Variants in PDE8A observed in about 807,000 individuals in gnomAD.
PDE8A encodes the protein phosphodiesterase 8A.
A neutral mutation model predicts 105.0 loss-of-function variants in PDE8A; 59 were observed. The observed-to-expected ratio is 0.56, with a 90% CI of 0.46 to 0.70. The LOEUF (loss-of-function observed/expected upper bound fraction) is 0.70. PDE8A is among the 30% of genes least tolerant of loss of function. PDE8A has a pLI of 0.00. For synonymous variants in PDE8A, 355 were observed against 371.9 expected, an observed-to-expected ratio of 0.95 and a Z score of 0.52; for missense variants, 1,014 against 1,045.9, an observed-to-expected ratio of 0.97 and a Z score of 0.42.
chr15:85,064,901 G>A (rs4980356), intron 2 of PDE8A, among the ~76,000 whole-genome samples: 31,366 of 151,964 alleles, frequency 0.21, 4,252 homozygotes, highest in Middle Eastern at 0.33. Flanking sequence ...GAGCCCGGGA[G>A]GTCAAGGCTG....
intron 8 of PDE8A, among the ~76,000 whole-genome samples, chr15:85,095,910 G>C (rs2081742189): frequency 6.7e-6 from 1 of 149,818 alleles, no homozygotes; most frequent in Admixed American, 6.6e-5. Context: ...TTTTGTTTTT[G>C]TTTTTTGAGA....
chr15:85,046,236 A>G (rs1381347917), intron 1 of PDE8A, among the ~76,000 whole-genome samples: 1 of 151,880 alleles, frequency 6.6e-6, no homozygotes, highest in African/African-American at 2.4e-5. Context: ...TTTAGTAGAG[A>G]CAGGGTTTTA....
At chr15:84,996,774 C>T (rs759003092) in intron 1 of PDE8A, among the ~76,000 whole-genome samples, 4 of 125,106 alleles carry the variant, frequency 3.2e-5, no homozygotes, top group African/African-American at 1.2e-4. Context: ...TGCAGTGAGC[C>T]GAGATCGCAC....
intron 1 of PDE8A, among the ~76,000 whole-genome samples, chr15:85,006,347 TGTG>T (rs976218719): frequency 2.6e-5 from 4 of 152,146 alleles, no homozygotes; most frequent in Non-Finnish European, 5.9e-5. Flanking sequence ...CCATCATAAA[TGTG>T]GTGGTGAATG....
At chr15:85,125,484 T>C (rs2082244695) in intron 19 of PDE8A, among the ~76,000 whole-genome samples, 1 of 152,172 alleles carries the variant, frequency 6.6e-6, no homozygotes, top group Non-Finnish European at 1.5e-5. Flanking sequence ...TGTGGTACTG[T>C]GAGTGGAAGG....
chr15:85,136,860 A>C (rs902612630), intron 21 of PDE8A, among the ~76,000 whole-genome samples, 197 bp downstream of exon 21: 1 of 152,104 alleles, frequency 6.6e-6, no homozygotes, highest in Non-Finnish European at 1.5e-5. Context: ...AGGTGTCTTT[A>C]TGCCTGTTTT....
intron 1 of PDE8A, among the ~76,000 whole-genome samples, chr15:85,049,668 C>T (rs1004274512): frequency 2.6e-5 from 4 of 152,214 alleles, no homozygotes; most frequent in Admixed American, 6.5e-5. Context: ...CTGCCTTAGC[C>T]TCCCAAGTAC....
intron 1 of PDE8A, among the ~76,000 whole-genome samples, chr15:85,014,938 G>A (rs778348838): frequency 6.6e-5 from 10 of 151,918 alleles, no homozygotes; most frequent in Middle Eastern, 6.8e-3. Context: ...CCCTTTACCC[G>A]CTACACCCCC....
chr15:85,116,352 C>G (rs2082097615), intron 16 of PDE8A: 2 of 511,886 alleles, frequency 3.9e-6, no homozygotes, highest in African/African-American at 3.8e-5. Flanking sequence ...GTGACTTCTC[C>G]AAGTAGCACA....
chr15:85,120,608 T>G, intron 17 of PDE8A, 189 bp from the exon 18 acceptor site: 1 of 537,310 alleles, frequency 1.9e-6, no homozygotes, highest in Non-Finnish European at 3.3e-6. Flanking sequence ...TGTGTGAGAC[T>G]AACAAATATG....
At chr15:85,068,801 C>G (rs1329915250) in intron 3 of PDE8A, among the ~76,000 whole-genome samples, 2 of 152,120 alleles carry the variant, frequency 1.3e-5, no homozygotes, top group Non-Finnish European at 2.9e-5. Flanking sequence ...AATGAAAGTT[C>G]ATACTTTTAA....
chr15:85,015,863 G>A (rs772646815), intron 1 of PDE8A, among the ~76,000 whole-genome samples: 3 of 152,044 alleles, frequency 2.0e-5, no homozygotes, highest in South Asian at 2.1e-4. Flanking sequence ...TCGGCTGGGC[G>A]TGGCGGCTCA....
Position 84,983,041 on chromosome 15 carries a change from G to GT in PDE8A, c.186+699dup, listed in dbSNP as rs563626585. On this transcript the variant is annotated intron_variant, in intron 1 of 21. Transcript: ENST00000394553. ...CTTACTGGGACATTTTGTGACTGGG[G>GT]TTTTTTGTTTTTTTACATTGCGTGT... Among the ~76,000 whole-genome samples, 26 of 152,280 alleles carry GT rather than the reference G, an allele frequency of 1.7e-4. No homozygotes were observed. The East Asian group carries it at 5.0e-3, about 29-fold the overall frequency.
intron 1 of PDE8A, among the ~76,000 whole-genome samples, chr15:85,057,643 G>T (rs1023223057): frequency 6.6e-6 from 1 of 152,212 alleles, no homozygotes; most frequent in Non-Finnish European, 1.5e-5. Flanking sequence ...GACTGGAGCT[G>T]TTCCTATTCG....
chr15:85,112,649 C>T (rs1386290151), intron 12 of PDE8A, among the ~76,000 whole-genome samples: 1 of 152,190 alleles, frequency 6.6e-6, no homozygotes, highest in Non-Finnish European at 1.5e-5. Context: ...GTTGACACAT[C>T]AGTCTCTGGG....
intron 1 of PDE8A, among the ~76,000 whole-genome samples, chr15:85,023,471 G>A (rs1296825845): frequency 6.6e-6 from 1 of 152,118 alleles, no homozygotes; most frequent in Admixed American, 6.5e-5. Flanking sequence ...CAAGAGGGTT[G>A]GACTTTGTTT....
intron 1 of PDE8A, among the ~76,000 whole-genome samples, chr15:85,010,569 C>T (rs1205972027): frequency 6.6e-6 from 1 of 152,172 alleles, no homozygotes; most frequent in African/African-American, 2.4e-5. Flanking sequence ...ATTGCCTCTC[C>T]TGATGTTTAA....
At chr15:85,019,903 C>G (rs1446351327) in intron 1 of PDE8A, among the ~76,000 whole-genome samples, 1 of 144,718 alleles carries the variant, frequency 6.9e-6, no homozygotes, top group African/African-American at 2.6e-5. Flanking sequence ...TTCGAAAAGG[C>G]TCTTGGGTCT....
At chr15:84,998,896 T>C (rs558912284) in intron 1 of PDE8A, among the ~76,000 whole-genome samples, 1 of 152,320 alleles carries the variant, frequency 6.6e-6, no homozygotes, top group African/African-American at 2.4e-5. Context: ...TAATTGATAG[T>C]TGACTATATG....
Sources: gnomAD v4.1 joint callset for allele counts (sites outside exome capture counted in the v4.1 genomes callset) on GRCh38, gnomAD v4.1.1 for gene constraint, MANE v1.5 for transcripts, NCBI Gene and HGNC (gene_info 2026-07-23, HGNC 2026-07-21) for gene names.